AGTPBP1: variants seen among roughly 807,000 people sequenced by gnomAD.
AGTPBP1 encodes ATP/GTP binding carboxypeptidase 1.
Under a neutral mutation model 143.9 loss-of-function variants are expected in AGTPBP1, and 70 were observed. The observed-to-expected ratio is 0.49, with a 90% CI of 0.40 to 0.59. AGTPBP1 has a LOEUF of 0.59. AGTPBP1 is among the 20% of genes least tolerant of loss of function. The pLI is 0.00. For missense variants in AGTPBP1, 1,229 were observed against 1,464.5 expected (o/e 0.84, Z 2.62); for synonymous variants, 463 against 500.2 (o/e 0.93, Z 0.99).
intron 25 of AGTPBP1, among the ~76,000 whole-genome samples, chr9:85,562,845 G>A (rs968354343): frequency 6.6e-6 from 1 of 152,124 alleles, no homozygotes; most frequent in African/African-American, 2.4e-5. Context: ...CAATTCATAT[G>A]TTGAAATCCT....
intron 17 of AGTPBP1, among the ~76,000 whole-genome samples, chr9:85,615,122 G>A (rs1160687310): frequency 6.6e-6 from 1 of 152,062 alleles, no homozygotes; most frequent in African/African-American, 2.4e-5. Flanking sequence ...ACTAAGAATA[G>A]GATTAAGTTA....
the AGTPBP1 span, among the ~76,000 whole-genome samples, chr9:85,802,731 C>G: frequency 6.6e-6 from 1 of 152,338 alleles, no homozygotes; most frequent in African/African-American, 2.4e-5. Context: ...GTGGGTAGCT[C>G]TCCTTCATCC....
intron 15 of AGTPBP1, among the ~76,000 whole-genome samples, chr9:85,619,806 T>C (rs1830808144): frequency 6.6e-6 from 1 of 152,188 alleles, no homozygotes; most frequent in South Asian, 2.1e-4. Context: ...GTTTGAGACA[T>C]ATGTCTGCTT....
In AGTPBP1 at chr9:85,546,969, T is replaced by C; in HGVS notation, c.*140A>G. 2 of 734,254 alleles carry C rather than the reference T, an allele frequency of 2.7e-6. No individual in the cohort carries two copies. The highest frequency in any genetic ancestry group is 2.0e-6 in the Non-Finnish European group (1 of 504,988). 45.5% of individuals were successfully genotyped at this position (734,254 alleles called of 1,614,324 possible). On this transcript the variant is annotated 3_prime_UTR_variant, in exon 26 of 26. Transcript: ENST00000357081. ...TCATTAATTAATAACACATTTATTA[T>C]CTTGAAACCAAACTGGCCCAAGTTA...
chr9:85,699,611 AAAC>A (rs1458907028), intron 2 of AGTPBP1, among the ~76,000 whole-genome samples: 1 of 151,954 alleles, frequency 6.6e-6, no homozygotes, highest in Non-Finnish European at 1.5e-5. Flanking sequence ...GCAAAAAAAA[AAAC>A]CATAAAAACA....
At chr9:85,790,584 AT>A in the AGTPBP1 span, among the ~76,000 whole-genome samples, 1 of 152,242 alleles carries the variant, frequency 6.6e-6, no homozygotes, top group Non-Finnish European at 1.5e-5. Context: ...AGTTGATGTT[AT>A]AATGATGGCT....
At chr9:85,641,333 G>A (rs534019073) in intron 13 of AGTPBP1, among the ~76,000 whole-genome samples, 1 of 152,240 alleles carries the variant, frequency 6.6e-6, no homozygotes, top group East Asian at 1.9e-4. Context: ...TGTTATTACT[G>A]ATATTTTCAA....
At chr9:85,797,480 C>T in the AGTPBP1 span, among the ~76,000 whole-genome samples, 151 of 152,228 alleles carry the variant, frequency 9.9e-4, 1 homozygote, top group African/African-American at 3.4e-3. Flanking sequence ...AAATTTTGTT[C>T]AAAAGGTTCA....
chr9:85,625,608 G>A (rs900766702), intron 14 of AGTPBP1, among the ~76,000 whole-genome samples: 9 of 149,382 alleles, frequency 6.0e-5, no homozygotes, highest in African/African-American at 9.9e-5. Flanking sequence ...TTTTTTTGCC[G>A]GGCACGGTGG....
intron 1 of AGTPBP1, among the ~76,000 whole-genome samples, chr9:85,720,519 A>AT (rs1456751468): frequency 6.6e-6 from 1 of 151,630 alleles, no homozygotes; most frequent in Non-Finnish European, 1.5e-5. Context: ...CCCCTTTATC[A>AT]TTTGTTATTG....
chr9:85,659,219 A>G (rs1833711654), intron 9 of AGTPBP1, among the ~76,000 whole-genome samples: 2 of 152,142 alleles, frequency 1.3e-5, no homozygotes, highest in Admixed American at 6.6e-5. Context: ...AGTAAAGGGA[A>G]CTTTATTCAT....
At chr9:85,593,898 A>T (rs1829128697) in intron 18 of AGTPBP1, among the ~76,000 whole-genome samples, 1 of 152,232 alleles carries the variant, frequency 6.6e-6, no homozygotes, top group African/African-American at 2.4e-5. Flanking sequence ...TAAAATTCTG[A>T]ATCACCTTGT....
chr9:85,727,571 T>C (rs2134695408), intron 1 of AGTPBP1, among the ~76,000 whole-genome samples: 1 of 152,290 alleles, frequency 6.6e-6, no homozygotes, highest in South Asian at 2.1e-4. Flanking sequence ...TCTCAACAGG[T>C]ATCTAAGCTG....
intron 20 of AGTPBP1, 47 bp downstream of exon 20, chr9:85,589,481 A>G (rs772272213): frequency 6.4e-7 from 1 of 1,556,904 alleles, no homozygotes; most frequent in Non-Finnish European, 8.7e-7. Flanking sequence ...AAGCAAATCA[A>G]AGTAGGTGAG....
At chr9:85,738,455 T>C (rs1571123) in intron 1 of AGTPBP1, among the ~76,000 whole-genome samples, 47,422 of 151,742 alleles carry the variant, frequency 0.31, 11,566 homozygotes, top group East Asian at 0.77. Flanking sequence ...CTTAAAAAAA[T>C]TGATTTTGTG....
chr9:85,780,877 G>A, the AGTPBP1 span, among the ~76,000 whole-genome samples: 68 of 152,298 alleles, frequency 4.5e-4, no homozygotes, highest in Non-Finnish European at 8.2e-4. Context: ...AGCACTTTGG[G>A]AAGCCAAGGC....
intron 4 of AGTPBP1, among the ~76,000 whole-genome samples, chr9:85,679,785 T>A (rs1408000770): frequency 6.6e-4 from 101 of 152,170 alleles, no homozygotes; most frequent in Non-Finnish European, 8.8e-5. Context: ...CAAGTATCCA[T>A]GGTGTTTTTT....
chr9:85,781,438 T>C, the AGTPBP1 span: 1 of 1,360,500 alleles, frequency 7.4e-7, no homozygotes, highest in Non-Finnish European at 9.8e-7. Flanking sequence ...AGCTTTGTAG[T>C]GTAGCCTTTA....
chr9:85,621,381 A>G (rs1830925620), intron 14 of AGTPBP1, 96 bp from the exon 15 acceptor site: 3 of 499,032 alleles, frequency 6.0e-6, no homozygotes, highest in Admixed American at 4.1e-5. Flanking sequence ...CATGATAAAA[A>G]TTTCTTAAAA....
Sources: allele counts gnomAD v4.1 joint callset (sites outside exome capture counted in the v4.1 genomes callset), GRCh38; gene constraint gnomAD v4.1.1; transcripts MANE v1.5; gene names NCBI Gene and HGNC (gene_info 2026-07-23, HGNC 2026-07-21).